CCSER1: variants seen among roughly 807,000 people sequenced by gnomAD.
CCSER1 encodes serine-rich coiled-coil domain-containing protein 1.
A neutral mutation model predicts 82.0 loss-of-function variants in CCSER1; 41 were observed. The ratio of observed to expected loss-of-function variants is 0.50; its 90% confidence interval spans 0.39 to 0.65. The LOEUF is 0.65. Among genes scored for constraint, CCSER1 ranks in the 30% least tolerant of loss-of-function variants. The pLI is 0.00. For missense variants in CCSER1, 1,119 were observed against 1,064.2 expected (o/e 1.05, Z -0.72); for synonymous variants, 414 against 383.9 (o/e 1.08, Z -0.92).
At chr4:90,882,596 T>A (rs1721501154) in intron 8 of CCSER1, among the ~76,000 whole-genome samples, 1 of 152,184 alleles carries the variant, frequency 6.6e-6, no homozygotes, top group Non-Finnish European at 1.5e-5. Context: ...GGTTCTTAAC[T>A]AATTATAGTT....
At chr4:91,064,276 T>C (rs1437884964) in intron 9 of CCSER1, among the ~76,000 whole-genome samples, 1 of 152,150 alleles carries the variant, frequency 6.6e-6, no homozygotes, top group Admixed American at 6.5e-5. Context: ...GTCCCAAGAA[T>C]ACCCACATGT....
chr4:91,270,280 G>T (rs985512383), intron 10 of CCSER1, among the ~76,000 whole-genome samples: 42 of 152,142 alleles, frequency 2.8e-4, no homozygotes, highest in African/African-American at 9.4e-4. Context: ...TATAGTTCAG[G>T]TATTATTTTA....
chr4:90,811,654 G>A (rs996938585), intron 7 of CCSER1, among the ~76,000 whole-genome samples: 1 of 152,112 alleles, frequency 6.6e-6, no homozygotes, highest in Non-Finnish European at 1.5e-5. Flanking sequence ...GAGCGTATAT[G>A]ATGGCTTCCT....
At chr4:90,367,497 T>A (rs1309641229) in intron 3 of CCSER1, among the ~76,000 whole-genome samples, 1 of 152,006 alleles carries the variant, frequency 6.6e-6, no homozygotes, top group East Asian at 1.9e-4. Flanking sequence ...TAGCTAGCCA[T>A]ATTTTGTCTT....
intron 1 of CCSER1, among the ~76,000 whole-genome samples, chr4:90,212,565 C>A (rs760367121): frequency 2.6e-5 from 4 of 152,036 alleles, no homozygotes; most frequent in South Asian, 2.1e-4. Flanking sequence ...ATAAATTTAA[C>A]CCTGAATAAA....
chr4:91,066,618 G>A (rs1013139802), intron 9 of CCSER1, among the ~76,000 whole-genome samples: 3 of 152,138 alleles, frequency 2.0e-5, no homozygotes, highest in Non-Finnish European at 4.4e-5. Context: ...CGTAACTGGA[G>A]AAGTAGAACA....
intron 1 of CCSER1, among the ~76,000 whole-genome samples, chr4:90,135,739 CTAGAAAGA>C (rs1196177031): frequency 2.6e-5 from 4 of 152,174 alleles, no homozygotes; most frequent in African/African-American, 9.7e-5. Flanking sequence ...CTGTGCCCCA[CTAGAAAGA>C]TAGTCATGCA....
intron 10 of CCSER1, among the ~76,000 whole-genome samples, chr4:91,519,680 T>C (rs1560733764): frequency 6.6e-6 from 1 of 152,172 alleles, no homozygotes; most frequent in Non-Finnish European, 1.5e-5. Flanking sequence ...TGTGGGTCCT[T>C]GGCATCTCCC....
chr4:91,547,619 T>C (rs936022988), intron 10 of CCSER1, among the ~76,000 whole-genome samples: 4 of 152,206 alleles, frequency 2.6e-5, no homozygotes, highest in African/African-American at 9.6e-5. Context: ...TCTTATTTTA[T>C]GATCCATTCT....
At chr4:91,249,723 T>C (rs1020710356) in intron 10 of CCSER1, among the ~76,000 whole-genome samples, 5 of 152,182 alleles carry the variant, frequency 3.3e-5, no homozygotes, top group Non-Finnish European at 7.4e-5. Context: ...GCTGTCTTGG[T>C]AGTTTCCATA....
intron 5 of CCSER1, among the ~76,000 whole-genome samples, chr4:90,521,188 A>G (rs1360073493): frequency 1.3e-5 from 2 of 152,154 alleles, no homozygotes; most frequent in South Asian, 2.1e-4. Flanking sequence ...TATACTATCA[A>G]TGCCTAACAT....
At chr4:91,303,214 C>T (rs937572651) in intron 10 of CCSER1, among the ~76,000 whole-genome samples, 1 of 151,888 alleles carries the variant, frequency 6.6e-6, no homozygotes, top group African/African-American at 2.4e-5. Flanking sequence ...TTTCAAAATG[C>T]CTACCTGAAA....
chr4:90,594,319 T>C lies in CCSER1; in HGVS notation c.1725-33706T>C, dbSNP rs754825918. Among the ~76,000 whole-genome samples the C allele has an allele frequency of 1.2e-4, 19 of 152,124 alleles. 1 individual carries two copies. The highest frequency in any genetic ancestry group is 1.8e-4 in the Non-Finnish European group (12 of 67,994). On this transcript the variant is annotated intron_variant, in intron 5 of 10. Transcript: ENST00000509176. Reference sequence around the variant, plus strand: ...GCTTTCTTCACTTAGCACTGTGTCTTGCCTTAAGGCCAAACTTTGCTTCTT... The same window carrying C: ...GCTTTCTTCACTTAGCACTGTGTCTCGCCTTAAGGCCAAACTTTGCTTCTT...
chr4:90,909,060 C>G (rs1387044153), intron 8 of CCSER1, among the ~76,000 whole-genome samples: 2 of 152,042 alleles, frequency 1.3e-5, no homozygotes, highest in Non-Finnish European at 2.9e-5. Context: ...TCTTCTTGAC[C>G]TCTTTTAGCT....
chr4:90,261,329 A>G (rs1220921400), intron 1 of CCSER1, among the ~76,000 whole-genome samples: 3 of 150,882 alleles, frequency 2.0e-5, no homozygotes, highest in Non-Finnish European at 4.4e-5. Context: ...TTTGTCTGGA[A>G]AACACTTTAT....
At chr4:90,839,992 CTG>C (rs1449405128) in intron 8 of CCSER1, among the ~76,000 whole-genome samples, 7 of 151,798 alleles carry the variant, frequency 4.6e-5, no homozygotes, top group African/African-American at 7.3e-5. Flanking sequence ...AATAATGTGA[CTG>C]TGTAATTATA....
chr4:90,298,481 G>A (rs1297994371), intron 1 of CCSER1, among the ~76,000 whole-genome samples: 1 of 151,440 alleles, frequency 6.6e-6, no homozygotes, highest in African/African-American at 2.4e-5. Flanking sequence ...GGTTTTTTGT[G>A]TCTCTATTTC....
At chr4:91,268,841 A>G (rs1315388497) in intron 10 of CCSER1, among the ~76,000 whole-genome samples, 1 of 152,164 alleles carries the variant, frequency 6.6e-6, no homozygotes, top group Non-Finnish European at 1.5e-5. Context: ...ACAAATCACA[A>G]TGGTGGAATG....
At chr4:91,278,270 G>C (rs141590185) in intron 10 of CCSER1, among the ~76,000 whole-genome samples, 247 of 151,922 alleles carry the variant, frequency 1.6e-3, no homozygotes, top group African/African-American at 5.8e-3. Context: ...CTGACAGTAG[G>C]GCGTTGAAGT....
Sources: gnomAD v4.1 joint callset for allele counts (sites outside exome capture counted in the v4.1 genomes callset) on GRCh38, gnomAD v4.1.1 for gene constraint, MANE v1.5 for transcripts, NCBI Gene and HGNC (gene_info 2026-07-23, HGNC 2026-07-21) for gene names.